The following MSN variants were observed in gnomAD, a reference collection of about 807,000 sequenced individuals.
MSN encodes the protein epididymis luminal protein 70.
A neutral mutation model predicts 48.0 loss-of-function variants in MSN; 2 were observed. The observed-to-expected ratio is 0.04, with a 90% CI of 0.02 to 0.13. The LOEUF (loss-of-function observed/expected upper bound fraction) is 0.13. Among genes scored for constraint, MSN ranks in the 10% least tolerant of loss-of-function variants. The probability of loss-of-function intolerance (pLI) is 1.00; values close to 1 mark genes in which losing one functional copy is unlikely to be tolerated. For synonymous variants in MSN, 146 were observed against 166.9 expected, an observed-to-expected ratio of 0.87 and a Z score of 0.97; for missense variants, 267 against 470.1, an observed-to-expected ratio of 0.57 and a Z score of 3.99.
intron 1 of MSN, among the ~76,000 whole-genome samples, chrX:65,709,188 T>C (rs2147492679): frequency 9.0e-6 from 1 of 111,410 alleles, no homozygotes; most frequent in African/African-American, 3.3e-5. Context: ...GTAGTGGGAT[T>C]GCTGGATCAT....
intron 1 of MSN, among the ~76,000 whole-genome samples, chrX:65,675,232 C>G (rs1375105304): frequency 8.9e-6 from 1 of 111,958 alleles, no homozygotes; most frequent in East Asian, 2.8e-4. Context: ...CTCCTATCTC[C>G]TATTTAATTG....
intron 1 of MSN, chrX:65,588,647 G>A (rs777287223): frequency 1.0e-4 from 81 of 791,132 alleles, no homozygotes; most frequent in Non-Finnish European, 1.1e-4. Flanking sequence ...GGTTGGGAGA[G>A]GTTCCTGGAC....
intron 1 of MSN, among the ~76,000 whole-genome samples, chrX:65,641,032 C>A (rs1373347275): frequency 9.1e-6 from 1 of 110,258 alleles, no homozygotes; most frequent in Non-Finnish European, 1.9e-5. Context: ...TTGCTTGAAC[C>A]CGGGAGGCGG....
rs775630757 is a variant in MSN at position 65,627,974 on chromosome X, C to A, written c.-22+39362C>A. 3.6e-5 allele frequency among the ~76,000 whole-genome samples: 4 copies of A among 112,674 alleles called. No homozygotes were observed. The East Asian group carries it at 1.1e-3, about 32-fold the overall frequency. On this transcript the variant is annotated intron_variant, in intron 1 of 3. Transcript: ENST00000609672. ...GTCAAATTTTAAAGCTCCAAAATGA[C>A]CTCCTTTGATTCCAGTTCTCACATC...
Position 65,740,055 on chromosome X carries a change from C to A in MSN, c.*162C>A. 1 of 466,921 alleles carries A rather than the reference C, an allele frequency of 2.1e-6. No homozygotes were observed. The highest frequency in any genetic ancestry group is 2.4e-5 in the African/African-American group (1 of 41,873). 38.5% of individuals were successfully genotyped at this position (466,921 alleles called of 1,213,427 possible). ...CATGGGACCAAACCTAGCCCCTTAG[C>A]CCCCACCCACTTCCCTGGGCAAATG... On this transcript the variant is annotated 3_prime_UTR_variant, in exon 13 of 13. Transcript: ENST00000360270.
intron 1 of MSN, among the ~76,000 whole-genome samples, chrX:65,592,997 C>T (rs1019939766): frequency 4.5e-5 from 5 of 111,610 alleles, no homozygotes; most frequent in African/African-American, 1.6e-4. Flanking sequence ...GCCTAGATCA[C>T]GTCACTGCAC....
At chrX:65,648,246 A>C (rs1453094011) in intron 1 of MSN, among the ~76,000 whole-genome samples, 2 of 111,970 alleles carry the variant, frequency 1.8e-5, no homozygotes, top group South Asian at 7.4e-4. Context: ...TGGAGTGGTC[A>C]CTCATGCATT....
intron 2 of MSN, among the ~76,000 whole-genome samples, chrX:65,726,066 A>G (rs766771950): frequency 1.8e-5 from 2 of 111,674 alleles, no homozygotes; most frequent in Non-Finnish European, 3.8e-5. Context: ...ATGAAGGGGA[A>G]GGGTGACCTG....
intron 1 of MSN, among the ~76,000 whole-genome samples, chrX:65,649,588 AATAT>A (rs34716365): frequency 1.1e-5 from 1 of 93,764 alleles, no homozygotes; most frequent in African/African-American, 4.1e-5. Flanking sequence ...AAAAAAAAAA[AATAT>A]ATATATATAT....
At chrX:65,635,960 T>C (rs893324041) in intron 1 of MSN, among the ~76,000 whole-genome samples, 6 of 112,159 alleles carry the variant, frequency 5.3e-5, no homozygotes, top group African/African-American at 1.3e-4. Context: ...CTTAAATATT[T>C]ATATGTGAAG....
At chrX:65,705,255 G>A (rs1001396583) in intron 1 of MSN, among the ~76,000 whole-genome samples, 1 of 111,556 alleles carries the variant, frequency 9.0e-6, no homozygotes, top group African/African-American at 3.3e-5. Context: ...TTTTCTTAGA[G>A]GACAAGTTGA....
chrX:65,655,014 A>G (rs1278348669), intron 1 of MSN, among the ~76,000 whole-genome samples: 1 of 111,133 alleles, frequency 9.0e-6, no homozygotes, highest in Non-Finnish European at 1.9e-5. Flanking sequence ...CTCCCTCACT[A>G]GGTTGTGAGC....
rs528139611 is a variant in MSN at position 65,685,270 on chromosome X, A to G, written c.12+17417A>G. Among the ~76,000 whole-genome samples the G allele has an allele frequency of 3.0e-4, 34 of 111,804 alleles. No homozygotes were observed. The Middle Eastern group carries it at 0.018, about 60-fold the overall frequency. On this transcript the variant is annotated intron_variant, in intron 1 of 12. Coordinates refer to ENST00000360270, the MANE Select transcript of MSN (RefSeq NM_002444.3). ...TTAGATCCTGTGTCTAAATGAGCTC[A>G]GTGGAGTGATTAGTGGTAGGATAAA...
chrX:65,740,509 C>T lies in MSN; in HGVS notation c.*616C>T, dbSNP rs1418916006. 2 of 174,371 alleles carry T rather than the reference C, an allele frequency of 1.1e-5. No homozygotes were observed. Among genetic ancestry groups the T allele is most frequent in the Non-Finnish European group, 1.1e-5 (1 of 90,881 alleles). The allele number at this position is 174,371 out of a possible 1,213,427, so 14.4% of individuals were successfully genotyped here. A position where few individuals can be genotyped will look rare whatever the true frequency, so the allele number is the denominator to read the frequency against. On this transcript the variant is annotated 3_prime_UTR_variant, in exon 13 of 13. Coordinates refer to ENST00000360270, the MANE Select transcript of MSN (RefSeq NM_002444.3). ...CAAACTCAGCCTCAATAAGCCTTGT[C>T]GTTGACTTTAGGGACTCAATTTCTC...
At chrX:65,631,622 G>T (rs1411969172) in intron 1 of MSN, among the ~76,000 whole-genome samples, 1 of 111,378 alleles carries the variant, frequency 9.0e-6, no homozygotes, top group Non-Finnish European at 1.9e-5. Context: ...ACCGCAGCTT[G>T]TTTATCCATT....
intron 1 of MSN, among the ~76,000 whole-genome samples, chrX:65,653,964 CG>C (rs1348001973): frequency 2.7e-5 from 3 of 109,505 alleles, no homozygotes; most frequent in Non-Finnish European, 5.7e-5. Context: ...TTGGTAGAAA[CG>C]GGGTTTCACC....
chrX:65,683,824 C>T (rs943681477), intron 1 of MSN, among the ~76,000 whole-genome samples: 1 of 111,475 alleles, frequency 9.0e-6, no homozygotes, highest in Non-Finnish European at 1.9e-5. Context: ...AGAAATGAAA[C>T]AGCATTGAAA....
intron 1 of MSN, among the ~76,000 whole-genome samples, chrX:65,697,660 G>C (rs1466360402): frequency 8.9e-6 from 1 of 112,379 alleles, no homozygotes; most frequent in African/African-American, 3.2e-5. Context: ...CCCATGTGTA[G>C]TGAGACTTGA....
At chrX:65,700,146 GA>G (rs1419473735) in intron 1 of MSN, among the ~76,000 whole-genome samples, 3 of 111,896 alleles carry the variant, frequency 2.7e-5, no homozygotes, top group Non-Finnish European at 5.6e-5. Context: ...TAAAATTTAT[GA>G]AACATCTACT....
Sources: gnomAD v4.1 joint callset for allele counts (sites outside exome capture counted in the v4.1 genomes callset) on GRCh38, gnomAD v4.1.1 for gene constraint, MANE v1.5 for transcripts, NCBI Gene and HGNC (gene_info 2026-07-23, HGNC 2026-07-21) for gene names.